Variants in VIT observed in about 807,000 individuals in gnomAD.
VIT encodes the protein vitrin.
VIT carries 99 observed loss-of-function variants against 78.0 expected under a neutral mutation model. That is an observed-to-expected ratio of 1.27 (90% CI 1.08 to 1.50). The LOEUF (loss-of-function observed/expected upper bound fraction) is 1.50. Ranked by LOEUF, VIT falls within the 40% of genes most tolerant of loss-of-function variation. VIT has a pLI of 0.00. For missense variants in VIT, 1,126 were observed against 875.3 expected, an observed-to-expected ratio of 1.29 and a Z score of -3.61; for synonymous variants, 374 against 334.3, an observed-to-expected ratio of 1.12 and a Z score of -1.29.
At chr2:36,793,936 C>G (rs977529725) in intron 12 of VIT, among the ~76,000 whole-genome samples, 1 of 152,128 alleles carries the variant, frequency 6.6e-6, no homozygotes, top group African/African-American at 2.4e-5. Flanking sequence ...ATAAGAATCA[C>G]CTGGATCTCC....
Position 36,808,613 on chromosome 2 carries a change from A to C in VIT, c.1531A>C (p.Ile511Leu). Residue 511 changes from isoleucine (I) to leucine (L), a missense_variant, in exon 15 of 16, where the codon ATT becomes CTT. Ile to Leu is a conservative substitution (Grantham distance 5). Coordinates refer to ENST00000379242, the MANE Select transcript of VIT (RefSeq NM_053276.4). ...CAAGACCTGCTTGAACTCGGCTGACATTGGCTTCGTCATCGACGGCTCCAG... is the reference window on the plus strand; with the variant it reads ...CAAGACCTGCTTGAACTCGGCTGACCTTGGCTTCGTCATCGACGGCTCCAG... ...CSKTCLNSAD[I>L]GFVIDGSSSV... is the part of the protein sequence containing the mutation. 3 of 1,614,212 alleles carry C rather than the reference A, an allele frequency of 1.9e-6. No homozygotes were observed. Among genetic ancestry groups the C allele is most frequent in the Non-Finnish European group, 2.5e-6 (3 of 1,180,044 alleles).
chr2:36,800,748 G>A (rs371614170), intron 12 of VIT, among the ~76,000 whole-genome samples: 3 of 152,168 alleles, frequency 2.0e-5, no homozygotes, highest in African/African-American at 7.2e-5. Flanking sequence ...ATCTTTTTCA[G>A]TCTTCAGCAA....
chr2:36,800,452 G>A (rs952465154), intron 12 of VIT, among the ~76,000 whole-genome samples: 5 of 152,240 alleles, frequency 3.3e-5, no homozygotes, highest in Non-Finnish European at 5.9e-5. Context: ...GACGGCAGCA[G>A]CAGAGCACTA....
intron 9 of VIT, among the ~76,000 whole-genome samples, chr2:36,776,788 C>G (rs1306440451): frequency 6.7e-6 from 1 of 150,000 alleles, no homozygotes; most frequent in Non-Finnish European, 1.5e-5. Flanking sequence ...GAGTGAGACT[C>G]CATCTCAAAA....
chr2:36,791,907 C>T (rs1000477504), intron 12 of VIT, among the ~76,000 whole-genome samples: 2 of 152,066 alleles, frequency 1.3e-5, no homozygotes, highest in African/African-American at 4.8e-5. Flanking sequence ...CAACGAGGAC[C>T]ACTCTGTCTC....
chr2:36,767,914 G>C (rs1156546261), intron 7 of VIT, among the ~76,000 whole-genome samples: 1 of 152,146 alleles, frequency 6.6e-6, no homozygotes, highest in Non-Finnish European at 1.5e-5. Context: ...TTCTAGCAAG[G>C]GGGCGAAAAC....
At chr2:36,764,433 T>C (rs1669299755) in intron 6 of VIT, among the ~76,000 whole-genome samples, 1 of 152,198 alleles carries the variant, frequency 6.6e-6, no homozygotes, top group African/African-American at 2.4e-5. Context: ...ATTAGAAACT[T>C]CCCTAGTACT....
intron 11 of VIT, among the ~76,000 whole-genome samples, chr2:36,784,478 C>T (rs1306121453): frequency 6.6e-6 from 1 of 152,168 alleles, no homozygotes; most frequent in Non-Finnish European, 1.5e-5. Flanking sequence ...GCACATTTAC[C>T]CTTGAGAAGC....
At chr2:36,756,731 G>A in intron 5 of VIT, among the ~76,000 whole-genome samples, 1 of 152,128 alleles carries the variant, frequency 6.6e-6, no homozygotes, top group East Asian at 1.9e-4. Flanking sequence ...TTCACAACGG[G>A]AGCCATATAA....
chr2:36,727,160 C>G (rs907733195), intron 2 of VIT, among the ~76,000 whole-genome samples: 3 of 152,076 alleles, frequency 2.0e-5, no homozygotes, highest in Admixed American at 6.5e-5. Flanking sequence ...CAGGTCACTT[C>G]TCAGACATTG....
At position 36,709,864 on chromosome 2, in the gene VIT, C is replaced by T. The variant is rs975476801; in HGVS notation, c.-18-6489C>T. Among the ~76,000 whole-genome samples, 4 of 152,142 alleles carry T rather than the reference C, an allele frequency of 2.6e-5. No homozygotes were observed. In the South Asian group the frequency reaches 6.2e-4, roughly 24 times the overall value. ...TTCATGAAGAGTTTGTAATGCCTCA[C>T]TAAGGAATTTGAGCTTTATTCTGTA... On this transcript the variant is annotated intron_variant, in intron 1 of 15. Coordinates refer to ENST00000379242, the MANE Select transcript of VIT (RefSeq NM_053276.4).
At chr2:36,770,701 G>C (rs1487944490) in intron 7 of VIT, among the ~76,000 whole-genome samples, 1 of 152,220 alleles carries the variant, frequency 6.6e-6, no homozygotes, top group African/African-American at 2.4e-5. Flanking sequence ...TTCTGGAAAA[G>C]ACAGAAAATC....
intron 2 of VIT, among the ~76,000 whole-genome samples, chr2:36,725,985 C>T (rs1054046337): frequency 4.2e-4 from 63 of 151,714 alleles, no homozygotes; most frequent in African/African-American, 1.4e-3. Flanking sequence ...TCAGGAGAAT[C>T]GCTTGAACAG....
intron 12 of VIT, among the ~76,000 whole-genome samples, chr2:36,800,298 T>C (rs1346319531): frequency 6.6e-6 from 1 of 152,052 alleles, no homozygotes; most frequent in Non-Finnish European, 1.5e-5. Flanking sequence ...TGAGCTGAGA[T>C]CGCGCCACTG....
chr2:36,802,300 T>G (rs1666389271), intron 13 of VIT, among the ~76,000 whole-genome samples: 2 of 152,150 alleles, frequency 1.3e-5, no homozygotes, highest in Non-Finnish European at 1.5e-5. Flanking sequence ...AAGATTGGCT[T>G]TTTGGGCACT....
At chr2:36,762,743 T>G (rs1669199452) in intron 6 of VIT, among the ~76,000 whole-genome samples, 2 of 152,140 alleles carry the variant, frequency 1.3e-5, no homozygotes, top group Non-Finnish European at 2.9e-5. Flanking sequence ...TCTGACAATA[T>G]GAATTAACAG....
In VIT at chr2:36,808,982, A is replaced by T; in HGVS notation, c.1900A>T (p.Lys634Ter). The T allele has an allele frequency of 6.3e-7, 1 of 1,579,112 alleles. No individual in the cohort carries two copies. The highest frequency in any genetic ancestry group is 8.6e-7 in the Non-Finnish European group (1 of 1,158,972). The change falls in exon 15 of 16, where the codon AAG (lysine) becomes TAG (stop). Residue 634 changes from lysine (K) to a stop codon, truncating the protein, a stop_gained. Transcript: ENST00000379242. LOFTEE classifies it high-confidence loss of function. ...GATCCCAGCCATGGCTGCCCATCTG[A>T]AGGGTAAGCTGGGCTTGCCAAGCAG... ...VRIPAMAAHL[K>*]GVITYAIGVA...
Position 36,717,516 on chromosome 2 carries a change from A to C in VIT, c.52+1094A>C, listed in dbSNP as rs1666242646. Among the ~76,000 whole-genome samples, 9 of 151,452 alleles carry C rather than the reference A, an allele frequency of 5.9e-5. No individual in the cohort carries two copies. In the South Asian group the frequency reaches 1.9e-3, roughly 32 times the overall value. Reference sequence around the variant, plus strand: ...CTCCCAAAGTGCTGGGATTACAGGCATGAGCCACCGCACCCGGCCCAGAGA... The same window carrying C: ...CTCCCAAAGTGCTGGGATTACAGGCCTGAGCCACCGCACCCGGCCCAGAGA... On this transcript the variant is annotated intron_variant, in intron 2 of 15. Coordinates refer to ENST00000379242, the MANE Select transcript of VIT (RefSeq NM_053276.4).
intron 4 of VIT, among the ~76,000 whole-genome samples, chr2:36,752,629 A>T (rs1257918230): frequency 2.0e-5 from 3 of 152,324 alleles, no homozygotes; most frequent in East Asian, 1.9e-4. Flanking sequence ...TCTGCCTCGT[A>T]AGTGGAACCA....
Sources: gnomAD v4.1 joint callset for allele counts (sites outside exome capture counted in the v4.1 genomes callset) on GRCh38, gnomAD v4.1.1 for gene constraint, MANE v1.5 for transcripts, NCBI Gene and HGNC (gene_info 2026-07-23, HGNC 2026-07-21) for gene names.